The following ADGRB3 variants were observed in gnomAD, a reference collection of about 807,000 sequenced individuals.
The protein encoded by ADGRB3 is adhesion G protein-coupled receptor B3.
A neutral mutation model predicts 193.4 loss-of-function variants in ADGRB3; 37 were observed. That is an observed-to-expected ratio of 0.19 (90% CI 0.15 to 0.25). The LOEUF (loss-of-function observed/expected upper bound fraction) is 0.25, where lower values mean the gene tolerates loss of function less well. Among genes scored for constraint, ADGRB3 ranks in the 10% least tolerant of loss-of-function variants. The pLI is 1.00. For synonymous variants in ADGRB3, 690 were observed against 644.2 expected (o/e 1.07, Z -1.08); for missense variants, 1,637 against 1,852.9 (o/e 0.88, Z 2.14).
chr6:69,247,103 G>A (rs1766514697), intron 20 of ADGRB3, among the ~76,000 whole-genome samples: 1 of 152,076 alleles, frequency 6.6e-6, no homozygotes, highest in South Asian at 2.1e-4. Context: ...TGCAACTAAA[G>A]CCTTTCCATG....
intron 16 of ADGRB3, among the ~76,000 whole-genome samples, chr6:69,069,757 A>G (rs539301191): frequency 6.7e-6 from 1 of 149,826 alleles, no homozygotes; most frequent in South Asian, 2.1e-4. Flanking sequence ...AAAAGAAAGA[A>G]AGAAAAGAAA....
At chr6:68,988,293 A>G (rs1156501673) in intron 10 of ADGRB3, among the ~76,000 whole-genome samples, 1 of 152,206 alleles carries the variant, frequency 6.6e-6, no homozygotes, top group African/African-American at 2.4e-5. Flanking sequence ...TCATATCATG[A>G]TTGCAGTTAT....
chr6:69,220,569 T>C (rs1450322038), intron 17 of ADGRB3, among the ~76,000 whole-genome samples: 2 of 152,142 alleles, frequency 1.3e-5, no homozygotes, highest in Non-Finnish European at 2.9e-5. Flanking sequence ...TATGATCTAT[T>C]GTTATTTAAA....
At chr6:69,106,997 T>C (rs965742791) in intron 17 of ADGRB3, among the ~76,000 whole-genome samples, 1 of 152,110 alleles carries the variant, frequency 6.6e-6, no homozygotes, top group Non-Finnish European at 1.5e-5. Context: ...TGTAGCCAAA[T>C]CCTCCAGTCT....
intron 3 of ADGRB3, among the ~76,000 whole-genome samples, chr6:68,721,377 C>G (rs569310606): frequency 6.9e-6 from 1 of 144,376 alleles, no homozygotes; most frequent in South Asian, 2.2e-4. Flanking sequence ...ATCACAAGGA[C>G]AAAAAACCAA....
intron 17 of ADGRB3, among the ~76,000 whole-genome samples, chr6:69,078,474 T>C (rs1772296282): frequency 6.6e-6 from 1 of 152,096 alleles, no homozygotes; most frequent in Non-Finnish European, 1.5e-5. Flanking sequence ...TTTCATATTG[T>C]ATGAACACTT....
chr6:68,790,462 T>G (rs28602371), intron 3 of ADGRB3, among the ~76,000 whole-genome samples: 1 of 152,126 alleles, frequency 6.6e-6, no homozygotes, highest in Admixed American at 6.5e-5. Context: ...GCACGCAGCT[T>G]GAGATCTGAG....
At chr6:69,239,459 A>G (rs1766340018) in intron 20 of ADGRB3, among the ~76,000 whole-genome samples, 1 of 152,024 alleles carries the variant, frequency 6.6e-6, no homozygotes, top group Non-Finnish European at 1.5e-5. Flanking sequence ...GTAAAAATGT[A>G]TGTTTATTAA....
At chr6:68,844,694 G>A (rs1050691271) in intron 3 of ADGRB3, among the ~76,000 whole-genome samples, 30 of 152,112 alleles carry the variant, frequency 2.0e-4, no homozygotes, top group African/African-American at 7.2e-4. Context: ...TCTTCAAATA[G>A]CCAAGATTGG....
intron 3 of ADGRB3, among the ~76,000 whole-genome samples, chr6:68,791,072 G>A (rs529146367): frequency 6.1e-5 from 9 of 146,850 alleles, no homozygotes; most frequent in Non-Finnish European, 8.9e-5. Flanking sequence ...AAAAAGTCTT[G>A]TATCTTTAAG....
chr6:68,838,257 A>G (rs768411853), intron 3 of ADGRB3, among the ~76,000 whole-genome samples: 5 of 152,172 alleles, frequency 3.3e-5, no homozygotes, highest in Non-Finnish European at 5.9e-5. Flanking sequence ...TAATGTTAAC[A>G]GATCAGAGGG....
At chr6:68,882,716 T>C (rs1765765615) in intron 3 of ADGRB3, among the ~76,000 whole-genome samples, 1 of 152,122 alleles carries the variant, frequency 6.6e-6, no homozygotes, top group African/African-American at 2.4e-5. Flanking sequence ...GTATTCTCTG[T>C]GGCAGTACAG....
At chr6:68,801,731 C>T (rs189787136) in intron 3 of ADGRB3, among the ~76,000 whole-genome samples, 17 of 152,084 alleles carry the variant, frequency 1.1e-4, no homozygotes, top group Admixed American at 3.3e-4. Flanking sequence ...AATAATAAAT[C>T]CTATATCCAG....
chr6:69,233,040 G>A (rs1361462116), intron 17 of ADGRB3: 1 of 519,486 alleles, frequency 1.9e-6, no homozygotes, highest in Non-Finnish European at 3.4e-6. Flanking sequence ...AGCTAGTCCC[G>A]GTTTCAGCAC....
At chr6:68,898,424 A>G (rs1318240580) in intron 3 of ADGRB3, among the ~76,000 whole-genome samples, 1 of 152,164 alleles carries the variant, frequency 6.6e-6, no homozygotes, top group Non-Finnish European at 1.5e-5. Flanking sequence ...AAATTCCCTC[A>G]CAGACACACC....
chr6:68,649,121 C>G (rs1245770452), intron 3 of ADGRB3, among the ~76,000 whole-genome samples: 4 of 152,106 alleles, frequency 2.6e-5, no homozygotes, highest in African/African-American at 9.7e-5. Context: ...CAAATCAGAT[C>G]AAATGAAAAG....
At chr6:68,652,465 G>A (rs1262342380) in intron 3 of ADGRB3, among the ~76,000 whole-genome samples, 1 of 152,064 alleles carries the variant, frequency 6.6e-6, no homozygotes, top group African/African-American at 2.4e-5. Context: ...ATCAAGACAG[G>A]CACCACATTT....
intron 19 of ADGRB3, among the ~76,000 whole-genome samples, chr6:69,238,080 G>A (rs1406235618): frequency 6.6e-6 from 1 of 151,952 alleles, no homozygotes; most frequent in Admixed American, 6.6e-5. Context: ...TACCTTGATT[G>A]TCCTCAAAGA....
intron 29 of ADGRB3, among the ~76,000 whole-genome samples, chr6:69,368,959 C>T (rs577350613): frequency 6.6e-6 from 1 of 152,162 alleles, no homozygotes; most frequent in South Asian, 2.1e-4. Flanking sequence ...AGAAGGTTTC[C>T]ATTACCTACT....
Sources: gnomAD v4.1 joint callset for allele counts (sites outside exome capture counted in the v4.1 genomes callset) on GRCh38, gnomAD v4.1.1 for gene constraint, MANE v1.5 for transcripts, NCBI Gene and HGNC (gene_info 2026-07-23, HGNC 2026-07-21) for gene names.